PITPNM1: variants seen among roughly 807,000 people sequenced by gnomAD.
PITPNM1 encodes membrane-associated phosphatidylinositol transfer protein 1.
Under a neutral mutation model 133.3 loss-of-function variants are expected in PITPNM1, and 74 were observed. The ratio of observed to expected loss-of-function variants is 0.56; its 90% CI spans 0.46 to 0.67. The LOEUF (loss-of-function observed/expected upper bound fraction) is 0.67, where lower values mean the gene tolerates loss of function less well. Among genes scored for constraint, PITPNM1 ranks in the 30% least tolerant of loss-of-function variants. The pLI is 0.00. For missense variants in PITPNM1, 1,398 were observed against 1,739.5 expected (o/e 0.80, Z 3.49); for synonymous variants, 738 against 741.4 (o/e 1.00, Z 0.08).
rs768919120 is a variant in PITPNM1, at chr11:67,502,282, C to T, written c.415+10G>A. ...GGGCGCCAGGGTCCCCCCATAGCTC[C>T]AGGCCTCACCCAGGATGCGCTGTCT... On this transcript the variant is annotated intron_variant, in intron 4 of 23. Coordinates refer to ENST00000356404, the MANE Select transcript of PITPNM1 (RefSeq NM_004910.3). The surrounding 1 kb of genome is among the most constrained non-coding windows in gnomAD (Gnocchi z 5.9). 1.9e-6 allele frequency: 3 copies of T among 1,612,168 alleles called. No individual in the cohort carries two copies. The highest frequency in any genetic ancestry group is 4.5e-5 in the East Asian group (2 of 44,884).
Position 67,498,930 on chromosome 11 carries a change from C to A in PITPNM1, c.1233+10G>T. 1 of 1,612,292 alleles carries A rather than the reference C, an allele frequency of 6.2e-7. No homozygotes were observed. The highest frequency in any genetic ancestry group is 1.7e-5 in the Admixed American group (1 of 59,950). On this transcript the variant is annotated intron_variant, in intron 9 of 23. Transcript: ENST00000356404. This position sits in a 1 kb window ranked among gnomAD's most constrained non-coding sequence, Gnocchi z 5.7. ...GGGAGCTTTGACATGGGGTGGCTGA[C>A]CATACTCGCCTCTGAGTCCCTGGGT...
At chr11:67,499,214 A>G (rs1866234611) in intron 8 of PITPNM1, among the ~76,000 whole-genome samples, 1 of 152,010 alleles carries the variant, frequency 6.6e-6, no homozygotes, top group Non-Finnish European at 1.5e-5. Context: ...CTCTCCACAC[A>G]ATGCCTGTTT....
In PITPNM1 at chr11:67,501,663, T is replaced by C. The variant is rs1036772452; in HGVS notation, c.640+199A>G. Among the ~76,000 whole-genome samples the C allele has an allele frequency of 5.9e-5, 9 of 152,290 alleles. No homozygotes were observed. In the South Asian group the frequency reaches 1.0e-3, roughly 18 times the overall value. ...TGAATGTCAGAGCCAGTATGGACCT[T>C]GTAGATCATGTTACCAGCTTCCTGC... On this transcript the variant is annotated intron_variant, in intron 5 of 23. Coordinates refer to ENST00000356404, the MANE Select transcript of PITPNM1 (RefSeq NM_004910.3).
At position 67,499,949 on chromosome 11, in the gene PITPNM1, T is replaced by C. The variant is rs1053636340; in HGVS notation, c.1028A>G (p.Glu343Gly). The C allele has an allele frequency of 3.1e-6, 5 of 1,612,510 alleles. No individual in the cohort carries two copies. The highest frequency in any genetic ancestry group is 3.3e-5 in the Admixed American group (2 of 60,012). The change falls in exon 7 of 24, where the codon GAG (glutamate) becomes GGG (glycine). Residue 343 changes from glutamate (E) to glycine (G), a missense_variant. Around this residue, in one of 5 missense-constraint regions of PITPNM1, gnomAD observed 195 missense variants for 178.8 expected, o/e 1.09. Coordinates refer to ENST00000356404, the MANE Select transcript of PITPNM1 (RefSeq NM_004910.3). ...AAAGAACTCTTCCTCGGAGCTGTTC[T>C]CAGAGTCTCGGGCAATGTTCTGCAT... ...WRMQNIARDS[E>G]NSSEEEFFDA...
At chr11:67,492,364 CT>C in intron 23 of PITPNM1, 68 bp from the exon 24 acceptor site, 1 of 1,440,210 alleles carries the variant, frequency 6.9e-7, no homozygotes, top group Non-Finnish European at 9.2e-7. Context: ...CTCCACGGTC[CT>C]CCAGAGGCAC....
Position 67,504,281 on chromosome 11 carries a change from G to T in PITPNM1, c.-41-60C>A, listed in dbSNP as rs1044286678. 2.0e-5 allele frequency: 13 copies of T among 649,488 alleles called. No homozygotes were observed. The African/African-American group carries it at 2.3e-4, about 12-fold the overall frequency. The allele number at this position is 649,488 out of a possible 1,614,324, so 40.2% of individuals were successfully genotyped here. A position where few individuals can be genotyped will look rare whatever the true frequency, so the allele number is the denominator to read the frequency against. ...GAGGCTGCGCGCGGCCCCGAGCCCT[G>T]CGCGCCGGCCGAGGGACTCAGGCCA... is the stretch of plus-strand genomic sequence containing the variant. On this transcript the variant is annotated intron_variant, in intron 1 of 23. Transcript: ENST00000356404. The surrounding 1 kb of genome is among the most constrained non-coding windows in gnomAD (Gnocchi z 5.4).
At chr11:67,499,626 G>T in intron 8 of PITPNM1, 97 bp downstream of exon 8, 1 of 208,888 alleles carries the variant, frequency 4.8e-6, no homozygotes, top group Non-Finnish European at 8.2e-6. Flanking sequence ...TATTTAATGA[G>T]CACCTCTTCA....
intron 8 of PITPNM1, 51 bp from the exon 9 acceptor site, chr11:67,499,052 C>T (rs1240928776): frequency 1.3e-6 from 2 of 1,543,244 alleles, no homozygotes; most frequent in East Asian, 2.3e-5. Flanking sequence ...ACTGGGATCC[C>T]CTCATCTGGC....
chr11:67,499,656 A>G lies in PITPNM1; in HGVS notation c.1171+67T>C, dbSNP rs938714290. 1.5e-5 allele frequency: 9 copies of G among 607,918 alleles called. No homozygotes were observed. In the African/African-American group the frequency reaches 2.7e-4, roughly 19 times the overall value. The allele number at this position is 607,918 out of a possible 1,614,324, so 37.7% of individuals were successfully genotyped here. A position where few individuals can be genotyped will look rare whatever the true frequency, so the allele number is the denominator to read the frequency against. On this transcript the variant is annotated intron_variant, in intron 8 of 23. Coordinates refer to ENST00000356404, the MANE Select transcript of PITPNM1 (RefSeq NM_004910.3). ...TCTTCAGATTGCCTCTCATCTTAAG[A>G]TGCCATTAAACTCATGACCTGCTGT...
At chr11:67,501,116 G>A (rs1396443388) in intron 5 of PITPNM1, among the ~76,000 whole-genome samples, 1 of 152,228 alleles carries the variant, frequency 6.6e-6, no homozygotes, top group Non-Finnish European at 1.5e-5. Context: ...GTGGGGTGTT[G>A]TGGGTGTTAA....
chr11:67,493,592 G>C lies in PITPNM1; in HGVS notation c.3160C>G (p.His1054Asp). 1.3e-6 allele frequency: 2 copies of C among 1,548,376 alleles called. No individual in the cohort carries two copies. The highest frequency in any genetic ancestry group is 1.7e-6 in the Non-Finnish European group (2 of 1,145,144). Reference protein sequence around the residue: ...VRAGAVDVVRHWQDSGYLIVY... With the variant: ...VRAGAVDVVRDWQDSGYLIVY... Reference sequence around the variant, plus strand: ...ATCAGGTAGCCGGAGTCCTGCCAGTGCCTGTGGGGCGGGGGCAGCGGTCAG... The same window carrying C: ...ATCAGGTAGCCGGAGTCCTGCCAGTCCCTGTGGGGCGGGGGCAGCGGTCAG... Residue 1054 changes from histidine to aspartate, a missense_variant and splice_region_variant, in exon 22 of 24, where the codon CAC (histidine) becomes GAC (aspartate). Coordinates refer to ENST00000356404, the MANE Select transcript of PITPNM1 (RefSeq NM_004910.3).
chr11:67,495,830 G>A (rs567109093), intron 15 of PITPNM1, among the ~76,000 whole-genome samples: 54 of 152,322 alleles, frequency 3.5e-4, no homozygotes, highest in African/African-American at 1.2e-3. Context: ...ACACAGGCCC[G>A]CTTGGCCCAT....
intron 23 of PITPNM1, 119 bp downstream of exon 23, chr11:67,492,815 T>A (rs957625828): frequency 7.8e-7 from 1 of 1,288,770 alleles, no homozygotes; most frequent in Non-Finnish European, 1.1e-6. Flanking sequence ...GATCCCAGGT[T>A]CCCTGGAGGC....
chr11:67,504,103 C>A lies in PITPNM1; in HGVS notation c.78G>T (p.Gln26His). 6.2e-7 allele frequency: 1 copy of A among 1,601,618 alleles called. No individual in the cohort carries two copies. The highest frequency in any genetic ancestry group is 8.5e-7 in the Non-Finnish European group (1 of 1,175,810). Residue 26 changes from glutamine (Q) to histidine (H), a missense_variant and splice_region_variant, in exon 2 of 24, where the codon CAG (glutamine) becomes CAT (histidine). Coordinates refer to ENST00000356404, the MANE Select transcript of PITPNM1 (RefSeq NM_004910.3). This position sits in a 1 kb window ranked among gnomAD's most constrained non-coding sequence, Gnocchi z 5.4. ...GGTGCCCTCTCCCCGCCGCCCTCACCTGGATCATGTAGAGCTGGGCCACCT... is the reference window on the plus strand; with the variant it reads ...GGTGCCCTCTCCCCGCCGCCCTCACATGGATCATGTAGAGCTGGGCCACCT... ...EYQVAQLYMI[Q>H]KKSREESSGE...
At chr11:67,503,499 C>A (rs1779013661) in intron 2 of PITPNM1, among the ~76,000 whole-genome samples, 1 of 152,210 alleles carries the variant, frequency 6.6e-6, no homozygotes, top group Non-Finnish European at 1.5e-5. Flanking sequence ...TCTATTGCTC[C>A]GGGGCTCAGA....
intron 12 of PITPNM1, 93 bp from the exon 13 acceptor site, chr11:67,497,772 C>A (rs1022388112): frequency 1.9e-6 from 3 of 1,547,434 alleles, no homozygotes; most frequent in Non-Finnish European, 2.6e-6. Context: ...GGGGGTTGGG[C>A]AGAGCAGAAT....
chr11:67,497,675 T>C lies in PITPNM1; in HGVS notation c.1787A>G (p.Asn596Ser). 1.2e-6 allele frequency: 2 copies of C among 1,609,930 alleles called. No homozygotes were observed. The highest frequency in any genetic ancestry group is 1.3e-5 in the African/African-American group (1 of 74,794). Reference protein sequence around the residue: ...RGSSRRGSMNNELLSPEFGPV... With the variant: ...RGSSRRGSMNSELLSPEFGPV... ...GCCAAACTCCGGAGAGAGCAGCTCA[T>C]TGTTCTGGATGGAACAGGAGACAGA... The change falls in exon 13 of 24, where the codon AAT (asparagine) becomes AGT (serine). Residue 596 changes from asparagine (N) to serine (S), a missense_variant. Physicochemically the swap from Asn to Ser is conservative, Grantham distance 46. Around this residue, in one of 5 missense-constraint regions of PITPNM1, gnomAD observed 574 missense variants for 698.7 expected, o/e 0.82. Coordinates refer to ENST00000356404, the MANE Select transcript of PITPNM1 (RefSeq NM_004910.3).
chr11:67,499,978 C>A lies in PITPNM1; in HGVS notation c.999G>T (p.Trp333Cys). ...AGTCTCGGGCAATGTTCTGCATGCG[C>A]CACTCAGACAAGCTCTGGGGAGACA... Reference protein sequence around the residue: ...GAVSPQSLSEWRMQNIARDSE... With the variant: ...GAVSPQSLSECRMQNIARDSE... Residue 333 changes from tryptophan to cysteine, a missense_variant, in exon 7 of 24, where the codon TGG (tryptophan) becomes TGT (cysteine). Trp to Cys is a radical substitution (Grantham distance 215). Transcript: ENST00000356404. 1 of 1,612,606 alleles carries A rather than the reference C, an allele frequency of 6.2e-7. No homozygotes were observed. The highest frequency in any genetic ancestry group is 8.5e-7 in the Non-Finnish European group (1 of 1,179,876).
chr11:67,498,872 G>A lies in PITPNM1; in HGVS notation c.1234-26C>T, dbSNP rs372614770. 1 of 1,609,358 alleles carries A rather than the reference G, an allele frequency of 6.2e-7. No individual in the cohort carries two copies. Among genetic ancestry groups the A allele is most frequent in the African/African-American group, 1.3e-5 (1 of 74,964 alleles). The stretch of plus-strand genomic sequence containing the variant: ...CTGGGGGGAACAATGGGGTGCAGTG[G>A]GTGTCACAGCAGTGGCCGGGCCAGT... On this transcript the variant is annotated intron_variant, in intron 9 of 23. Coordinates refer to ENST00000356404, the MANE Select transcript of PITPNM1 (RefSeq NM_004910.3). This position sits in a 1 kb window ranked among gnomAD's most constrained non-coding sequence, Gnocchi z 5.7.
Sources: allele counts gnomAD v4.1 joint callset (sites outside exome capture counted in the v4.1 genomes callset), GRCh38; gene constraint gnomAD v4.1.1; regional missense constraint gnomAD v4.1.1; non-coding constraint Gnocchi (gnomAD v3.1); transcripts MANE v1.5; gene names NCBI Gene and HGNC (gene_info 2026-07-23, HGNC 2026-07-21).